The following NCOR2 variants were observed in gnomAD, a reference collection of about 807,000 sequenced individuals.
NCOR2 encodes CTG repeat protein 26.
NCOR2 carries 81 observed loss-of-function variants against 262.9 expected under a neutral mutation model. The observed-to-expected ratio is 0.31, with a 90% confidence interval of 0.26 to 0.37. NCOR2 has a LOEUF of 0.37. Ranked by LOEUF, NCOR2 falls within the 10% of genes least tolerant of loss-of-function variation. The pLI is 1.00. For missense variants in NCOR2, 3,385 were observed against 3,621.4 expected, an observed-to-expected ratio of 0.93 and a Z score of 1.68; for synonymous variants, 1,659 against 1,559.3, an observed-to-expected ratio of 1.06 and a Z score of -1.51.
chr12:124,461,882 C>T (rs751795899), intron 5 of NCOR2, among the ~76,000 whole-genome samples: 11 of 152,186 alleles, frequency 7.2e-5, no homozygotes, highest in Non-Finnish European at 1.3e-4. Context: ...CACGCACCCA[C>T]GTGTGTATGC....
chr12:124,361,778 G>GAA (rs543643982), intron 22 of NCOR2, among the ~76,000 whole-genome samples: 7 of 152,232 alleles, frequency 4.6e-5, no homozygotes, highest in Non-Finnish European at 1.0e-4. Context: ...CAATGCTTTT[G>GAA]AAAATTTTGA....
intron 1 of NCOR2, among the ~76,000 whole-genome samples, chr12:124,515,754 A>T (rs1471842242): frequency 6.6e-6 from 1 of 151,842 alleles, no homozygotes; most frequent in Admixed American, 6.6e-5. Flanking sequence ...GTGAGTATAC[A>T]TGTGGGTGTG....
chr12:124,489,639 G>A (rs2047971739), intron 1 of NCOR2, among the ~76,000 whole-genome samples: 4 of 150,388 alleles, frequency 2.7e-5, no homozygotes, highest in South Asian at 2.1e-4. Flanking sequence ...GGCCTCAGAG[G>A]GTTCTCCCTG....
intron 3 of NCOR2, among the ~76,000 whole-genome samples, chr12:124,477,977 G>A (rs2047198268): frequency 6.6e-6 from 1 of 152,214 alleles, no homozygotes; most frequent in South Asian, 2.1e-4. Context: ...GCAGGGCCCA[G>A]CTTCACGCAC....
Position 124,349,224 on chromosome 12 carries a change from C to T in NCOR2, c.3845-910G>A, listed in dbSNP as rs193230903. On this transcript the variant is annotated intron_variant, in intron 28 of 46. Transcript: ENST00000405201. ...GAGGTGAACAGACGGAGGTGGCCCC[C>T]GAAGGTAAAGGCTGGGCTTTGCCCA... is the stretch of plus-strand genomic sequence containing the variant. 2.4e-3 allele frequency among the ~76,000 whole-genome samples: 361 copies of T among 152,290 alleles called. 2 individuals are homozygous for T. Among genetic ancestry groups the T allele is most frequent in the African/African-American group, 8.3e-3 (346 of 41,558 alleles).
chr12:124,495,125 G>A lies in NCOR2; in HGVS notation c.105+22C>T, dbSNP rs375298055. The A allele has an allele frequency of 1.2e-4, 196 of 1,611,776 alleles. No homozygotes were observed. The highest frequency in any genetic ancestry group is 4.2e-4 in the Admixed American group (25 of 59,544). On this transcript the variant is annotated intron_variant, in intron 1 of 46. Coordinates refer to ENST00000405201, the Ensembl canonical transcript of NCOR2. This position sits in a 1 kb window ranked among gnomAD's most constrained non-coding sequence, Gnocchi z 4.4. ...AAGGGTCTCAAAGGTAGCCCCAGGCGCACACATGTGCACCCCCTTACCGTG... is the reference window on the plus strand; with the variant it reads ...AAGGGTCTCAAAGGTAGCCCCAGGCACACACATGTGCACCCCCTTACCGTG...
chr12:124,437,792 G>T, intron 8 of NCOR2, 138 bp downstream of exon 10: 2 of 664,172 alleles, frequency 3.0e-6, no homozygotes, highest in South Asian at 2.0e-5. Context: ...GGCCGGCCTT[G>T]GCTTTTCCTC....
chr12:124,390,717 T>G (rs1205599962), intron 16 of NCOR2, among the ~76,000 whole-genome samples: 2 of 152,192 alleles, frequency 1.3e-5, no homozygotes, highest in African/African-American at 4.8e-5. Flanking sequence ...GTATCCCCCT[T>G]GACATCCAGG....
intron 21 of NCOR2, among the ~76,000 whole-genome samples, 183 bp from the exon 24 acceptor site, chr12:124,362,480 C>T (rs1353823187): frequency 2.6e-5 from 4 of 152,212 alleles, no homozygotes; most frequent in African/African-American, 7.2e-5. Context: ...GCCCACCTCC[C>T]AGAAAGCCTG....
chr12:124,545,762 G>A (rs920537598), intron 1 of NCOR2, among the ~76,000 whole-genome samples: 3 of 151,956 alleles, frequency 2.0e-5, no homozygotes, highest in African/African-American at 4.8e-5. Context: ...GCGCCGCCCC[G>A]TGCTGGGAAG....
In NCOR2 at chr12:124,335,335, G is replaced by T. The variant is rs913222431; in HGVS notation, c.6266-55C>A. 8 of 1,512,256 alleles carry T rather than the reference G, an allele frequency of 5.3e-6. No individual in the cohort carries two copies. The African/African-American group carries it at 8.2e-5, about 16-fold the overall frequency. 93.7% of individuals were successfully genotyped at this position (1,512,256 alleles called of 1,614,324 possible). ...TGTCTGCTGGCCCCAGGGCTGCTGG[G>T]CCCAAATCCCAGCCCCATGCCTTTG... is the stretch of plus-strand genomic sequence containing the variant. On this transcript the variant is annotated intron_variant, in intron 39 of 46. Coordinates refer to ENST00000405201, the Ensembl canonical transcript of NCOR2.
At chr12:124,367,915 T>C (rs7976285) in intron 20 of NCOR2, among the ~76,000 whole-genome samples, 34,067 of 152,260 alleles carry the variant, frequency 0.22, 4,511 homozygotes, top group African/African-American at 0.35. Flanking sequence ...ATTACAGGCA[T>C]GAGCCACCGC....
chr12:124,365,941 CT>C (rs556415808), intron 20 of NCOR2, among the ~76,000 whole-genome samples: 67 of 152,280 alleles, frequency 4.4e-4, no homozygotes, highest in African/African-American at 1.6e-3. Context: ...GCCGCCACCC[CT>C]ATGTCCCTCC....
Position 124,336,827 on chromosome 12 carries a change from G to A in NCOR2, c.6041C>T (p.Ser2014Leu), listed in dbSNP as rs762352790. 98 of 1,612,952 alleles carry A rather than the reference G, an allele frequency of 6.1e-5. No individual in the cohort carries two copies. In the East Asian group the frequency reaches 7.8e-4, roughly 13 times the overall value. Residue 2014 changes from serine (S) to leucine (L), a missense_variant, in exon 38 of 47, where the codon TCG (serine) becomes TTG (leucine). Around this residue, in one of 5 missense-constraint regions of NCOR2, gnomAD observed 1,017 missense variants for 967.2 expected, o/e 1.05. Coordinates refer to ENST00000405201, the Ensembl canonical transcript of NCOR2. The stretch of plus-strand genomic sequence containing the variant: ...CTTTTCCCGGTGCGGGTCCGAGGCC[G>A]AGGCAGGTGGCGCCGGCGGGTCCGG...
At chr12:124,564,301 T>A (rs1358336827) in intron 1 of NCOR2, among the ~76,000 whole-genome samples, 1 of 152,150 alleles carries the variant, frequency 6.6e-6, no homozygotes, top group Non-Finnish European at 1.5e-5. Flanking sequence ...ACCCTTGGCC[T>A]GGGCCTAAAA....
intron 35 of NCOR2, 50 bp downstream of exon 37, chr12:124,340,552 G>T: frequency 6.6e-7 from 1 of 1,524,720 alleles, no homozygotes. Flanking sequence ...TCCCCCAGCC[G>T]CCTCCCATGG....
chr12:124,373,206 A>C, intron 19 of NCOR2, among the ~76,000 whole-genome samples: 1 of 152,096 alleles, frequency 6.6e-6, no homozygotes, highest in Non-Finnish European at 1.5e-5. Flanking sequence ...CAGTGTGAGT[A>C]CAGGGGACCC....
At chr12:124,499,477 A>ATTCCT (rs2048569527), upstream of NCOR2, among the ~76,000 whole-genome samples, 1 of 142,214 alleles carries the variant, frequency 7.0e-6, no homozygotes, top group African/African-American at 3.1e-5. Flanking sequence ...GATACGAGGA[A>ATTCCT]GAAGAACTTC....
intron 6 of NCOR2, among the ~76,000 whole-genome samples, chr12:124,455,761 G>A (rs1465976454): frequency 1.3e-5 from 2 of 152,246 alleles, no homozygotes; most frequent in Admixed American, 6.5e-5. Context: ...TAGAGCCTCC[G>A]CCTGTCCCAG....
Sources: allele counts gnomAD v4.1 joint callset (sites outside exome capture counted in the v4.1 genomes callset), GRCh38; gene constraint gnomAD v4.1.1; regional missense constraint gnomAD v4.1.1; non-coding constraint Gnocchi (gnomAD v3.1); transcripts MANE v1.5; gene names NCBI Gene and HGNC (gene_info 2026-07-23, HGNC 2026-07-21).